The following SETBP1 variants were observed in gnomAD, a reference collection of about 807,000 sequenced individuals.
SETBP1 encodes SET binding protein 1.
Under a neutral mutation model 101.0 loss-of-function variants are expected in SETBP1, and 9 were observed. The ratio of observed to expected loss-of-function variants is 0.09; its 90% CI spans 0.05 to 0.16. The LOEUF (loss-of-function observed/expected upper bound fraction) is 0.16. Among genes scored for constraint, SETBP1 ranks in the 10% least tolerant of loss-of-function variants. The pLI, the probability that SETBP1 is intolerant of heterozygous loss-of-function variation, is 1.00. For missense variants in SETBP1, 1,858 were observed against 2,033.8 expected, an observed-to-expected ratio of 0.91 and a Z score of 1.66; for synonymous variants, 818 against 788.5, an observed-to-expected ratio of 1.04 and a Z score of -0.63.
chr18:44,697,171 C>T (rs1050734665), intron 1 of SETBP1: 5 of 152,200 alleles, frequency 3.3e-5, no homozygotes, highest in African/African-American at 1.2e-4. Context: ...AGTGCGTGAG[C>T]CTGTGCGTGT....
chr18:44,924,695 T>C (rs1456931329), intron 3 of SETBP1, among the ~76,000 whole-genome samples: 1 of 152,096 alleles, frequency 6.6e-6, no homozygotes, highest in Non-Finnish European at 1.5e-5. Flanking sequence ...AATCTAGAAA[T>C]ACACCATAGA....
intron 2 of SETBP1, among the ~76,000 whole-genome samples, chr18:44,837,780 C>T (rs2144504510): frequency 6.6e-6 from 1 of 152,352 alleles, no homozygotes; most frequent in Admixed American, 6.5e-5. Context: ...GCAAGCCTTA[C>T]ATTTTCTGAC....
At chr18:44,909,369 G>A (rs930597435) in intron 3 of SETBP1, among the ~76,000 whole-genome samples, 4 of 152,206 alleles carry the variant, frequency 2.6e-5, no homozygotes, top group African/African-American at 9.6e-5. Context: ...CCAGTTTGTA[G>A]GTGTCTGCTC....
In SETBP1 at chr18:44,837,462, G is replaced by A. The variant is rs868590597; in HGVS notation, c.487-31768G>A. 5.9e-5 allele frequency among the ~76,000 whole-genome samples: 9 copies of A among 152,274 alleles called. No homozygotes were observed. In the South Asian group the frequency reaches 8.3e-4, roughly 14 times the overall value. ...GCATTAAAATAAATTTAATGAAATC[G>A]TTTTTATTTGATAACGGATACAGGA... On this transcript the variant is annotated intron_variant, in intron 2 of 5. Coordinates refer to ENST00000649279, the MANE Select transcript of SETBP1 (RefSeq NM_015559.3).
intron 3 of SETBP1, among the ~76,000 whole-genome samples, chr18:44,877,630 A>G (rs1023599347): frequency 1.5e-4 from 23 of 152,228 alleles, no homozygotes; most frequent in Admixed American, 2.6e-4. Flanking sequence ...TTTAACAAAA[A>G]TATTTGCCCA....
chr18:44,788,190 A>G (rs2071285978), intron 2 of SETBP1, among the ~76,000 whole-genome samples: 1 of 152,052 alleles, frequency 6.6e-6, no homozygotes, highest in Non-Finnish European at 1.5e-5. Context: ...TGATGGTCGT[A>G]AGAAATGGTG....
chr18:45,051,483 G>A (rs978519476), intron 5 of SETBP1, among the ~76,000 whole-genome samples: 1 of 152,122 alleles, frequency 6.6e-6, no homozygotes, highest in African/African-American at 2.4e-5. Flanking sequence ...CATTCATAGT[G>A]GAGGCTATAC....
intron 1 of SETBP1, among the ~76,000 whole-genome samples, chr18:44,682,775 C>A (rs570302555): frequency 3.9e-5 from 6 of 152,114 alleles, no homozygotes; most frequent in Admixed American, 6.5e-5. Flanking sequence ...GCTTGGCACA[C>A]GATTTCTCCT....
At chr18:44,993,530 A>C (rs2072425975) in intron 4 of SETBP1, among the ~76,000 whole-genome samples, 2 of 152,068 alleles carry the variant, frequency 1.3e-5, no homozygotes, top group South Asian at 4.1e-4. Context: ...TACTTGAAAG[A>C]ACAAAAAGTA....
At chr18:44,888,638 TC>T (rs112715935) in intron 3 of SETBP1, among the ~76,000 whole-genome samples, 8 of 152,252 alleles carry the variant, frequency 5.3e-5, no homozygotes, top group African/African-American at 1.9e-4. Context: ...ATTATGTGAA[TC>T]CTCTGTGTGG....
At chr18:44,695,547 G>T (rs2069000394) in intron 1 of SETBP1, among the ~76,000 whole-genome samples, 1 of 152,216 alleles carries the variant, frequency 6.6e-6, no homozygotes, top group Non-Finnish European at 1.5e-5. Context: ...TCTAGCCTGA[G>T]AATTATCTGG....
intron 4 of SETBP1, among the ~76,000 whole-genome samples, chr18:45,029,673 C>T (rs2073248320): frequency 1.3e-5 from 2 of 152,006 alleles, no homozygotes; most frequent in Non-Finnish European, 2.9e-5. Flanking sequence ...TTGTTTGTAT[C>T]CTCTTATTTC....
In SETBP1 at chr18:45,028,320, G is replaced by T. The variant is rs371039824; in HGVS notation, c.4001-10165G>T. 7.2e-5 allele frequency among the ~76,000 whole-genome samples: 11 copies of T among 151,914 alleles called. No individual in the cohort carries two copies. The South Asian group carries it at 1.0e-3, about 14-fold the overall frequency. On this transcript the variant is annotated intron_variant, in intron 4 of 5. Coordinates refer to ENST00000649279, the MANE Select transcript of SETBP1 (RefSeq NM_015559.3). ...ATGATGATTTCCAATTTCATCCATGGCCCTACAAAGGACATGAACTCATCA... is the reference window on the plus strand; with the variant it reads ...ATGATGATTTCCAATTTCATCCATGTCCCTACAAAGGACATGAACTCATCA...
At chr18:44,826,377 G>A (rs948934786) in intron 2 of SETBP1, among the ~76,000 whole-genome samples, 1 of 152,096 alleles carries the variant, frequency 6.6e-6, no homozygotes, top group Non-Finnish European at 1.5e-5. Context: ...TGTACCTGTT[G>A]GGTCTGCCCC....
intron 3 of SETBP1, chr18:44,876,648 A>G (rs1251861557): frequency 6.4e-7 from 1 of 1,551,592 alleles, no homozygotes; most frequent in Non-Finnish European, 8.7e-7. Context: ...TGTCCCAGGA[A>G]CGTGCCATGT....
chr18:44,758,446 G>A (rs1383881546), intron 2 of SETBP1, among the ~76,000 whole-genome samples: 4 of 151,282 alleles, frequency 2.6e-5, no homozygotes, highest in Admixed American at 1.3e-4. Flanking sequence ...GCAGTGGTGC[G>A]ATCTCAGCTC....
chr18:44,994,093 T>A (rs552510437), intron 4 of SETBP1, among the ~76,000 whole-genome samples: 15 of 152,188 alleles, frequency 9.9e-5, no homozygotes, highest in African/African-American at 3.4e-4. Flanking sequence ...GCATTTTATA[T>A]TACCAAAAAA....
chr18:44,726,947 A>C lies in SETBP1; in HGVS notation c.486+25115A>C, dbSNP rs2069721043. On this transcript the variant is annotated intron_variant, in intron 2 of 5. Coordinates refer to ENST00000649279, the MANE Select transcript of SETBP1 (RefSeq NM_015559.3). Reference sequence around the variant, plus strand: ...ATTGATCTTACCATCGTGAGGGTGGAGTGGTTATCAGAGGATCCTGGAAAG... The same window carrying C: ...ATTGATCTTACCATCGTGAGGGTGGCGTGGTTATCAGAGGATCCTGGAAAG... Among the ~76,000 whole-genome samples, 3 of 152,160 alleles carry C rather than the reference A, an allele frequency of 2.0e-5. 1 individual carries two copies. In the South Asian group the frequency reaches 6.2e-4, roughly 32 times the overall value.
At chr18:45,038,352 A>G in intron 4 of SETBP1, 133 bp from the exon 5 acceptor site, 1 of 880,326 alleles carries the variant, frequency 1.1e-6, no homozygotes, top group Non-Finnish European at 1.8e-6. Context: ...GCATTTTTAA[A>G]TTTCATTCTT....
Sources: gnomAD v4.1 joint callset for allele counts (sites outside exome capture counted in the v4.1 genomes callset) on GRCh38, gnomAD v4.1.1 for gene constraint, MANE v1.5 for transcripts, NCBI Gene and HGNC (gene_info 2026-07-23, HGNC 2026-07-21) for gene names.